Variants in DOK2 observed in about 807,000 individuals in gnomAD.
The protein encoded by DOK2 is docking protein 2, 56kD.
A neutral mutation model predicts 26.0 loss-of-function variants in DOK2; 28 were observed. That is an observed-to-expected ratio of 1.08 (90% CI 0.80 to 1.48). The LOEUF (loss-of-function observed/expected upper bound fraction) is 1.48, where lower values mean the gene tolerates loss of function less well. Among genes scored for constraint, DOK2 ranks in the 40% most tolerant of loss-of-function variants. The pLI is 0.00. For synonymous variants in DOK2, 282 were observed against 236.9 expected (o/e 1.19, Z -1.75); for missense variants, 682 against 558.2 (o/e 1.22, Z -2.23).
intron 2 of DOK2, 120 bp from the exon 3 acceptor site, chr8:21,912,108 C>T (rs2117207255): frequency 6.8e-7 from 1 of 1,468,120 alleles, no homozygotes; most frequent in South Asian, 1.4e-5. Context: ...TTCGGGTCCC[C>T]CCACATGGAG....
intron 1 of DOK2, 118 bp from the exon 2 acceptor site, chr8:21,912,628 G>T: frequency 1.1e-6 from 1 of 950,790 alleles, no homozygotes; most frequent in Non-Finnish European, 1.5e-6. Flanking sequence ...CTTGGAGATG[G>T]GGAGAGAGAG....
chr8:21,911,856 G>T, intron 3 of DOK2, 45 bp downstream of exon 3: 1 of 1,533,496 alleles, frequency 6.5e-7, no homozygotes, highest in African/African-American at 1.4e-5. Flanking sequence ...ACCTCACCCT[G>T]GGGAGAGCCC....
Position 21,912,457 on chromosome 8 carries a change from G to A in DOK2, c.117C>T (p.Ala39=), listed in dbSNP as rs375816776. Residue 39 remains alanine (A), a synonymous_variant, in exon 2 of 5, where the codon GCC becomes GCT. Transcript: ENST00000276420. The part of the protein sequence containing the change: ...SLYGGSDCAL[A]RLELQEGPEK... ...CCGGGCCCTCCTGCAGCTCCAGCCGGGCCAAGGCGCAGTCCGACCCTCCAT... is the reference window on the plus strand; with the variant it reads ...CCGGGCCCTCCTGCAGCTCCAGCCGAGCCAAGGCGCAGTCCGACCCTCCAT... 28 of 1,565,070 alleles carry A rather than the reference G, an allele frequency of 1.8e-5. No homozygotes were observed. The highest frequency in any genetic ancestry group is 2.3e-5 in the Non-Finnish European group (27 of 1,157,082).
At position 21,909,985 on chromosome 8, in the gene DOK2, T is replaced by TC; in HGVS notation, c.619-55_619-54insG. On this transcript the variant is annotated intron_variant, in intron 4 of 4. Transcript: ENST00000276420. ...CCAGGCCACAGGGCAGGGGTGCATT[T>TC]TTTTTTTTTTTTTTGGAGACAGAGT... 3 of 1,161,110 alleles carry TC rather than the reference T, an allele frequency of 2.6e-6. No homozygotes were observed. In the East Asian group the frequency reaches 1.0e-4, roughly 39 times the overall value. The allele number at this position is 1,161,110 out of a possible 1,614,324, so 71.9% of individuals were successfully genotyped here. A position where few individuals can be genotyped will look rare whatever the true frequency, so the allele number is the denominator to read the frequency against.
At chr8:21,911,759 G>T in intron 3 of DOK2, 142 bp downstream of exon 3, 1 of 875,908 alleles carries the variant, frequency 1.1e-6, no homozygotes, top group Non-Finnish European at 1.7e-6. Flanking sequence ...AGAAGGAGAG[G>T]CTGATAACGG....
Position 21,909,286 on chromosome 8 carries a change from G to A in DOK2, c.*25C>T, listed in dbSNP as rs547540283. On this transcript the variant is annotated 3_prime_UTR_variant, in exon 5 of 5. Transcript: ENST00000276420. ...AGTCACCAGCAGAAGCCAAGGGGCG[G>A]TGGACCATCCCTCTGCTGCCTCTGT... The A allele has an allele frequency of 5.3e-6, 8 of 1,518,996 alleles. No individual in the cohort carries two copies. The highest frequency in any genetic ancestry group is 7.1e-6 in the Non-Finnish European group (8 of 1,134,348). The allele number at this position is 1,518,996 out of a possible 1,614,324, so 94.1% of individuals were successfully genotyped here.
rs985391641 is a variant in DOK2, at chr8:21,910,657, G to A, written c.618+16C>T. 4 of 1,613,414 alleles carry A rather than the reference G, an allele frequency of 2.5e-6. No homozygotes were observed. The African/African-American group carries it at 5.3e-5, about 22-fold the overall frequency. On this transcript the variant is annotated intron_variant, in intron 4 of 4. Coordinates refer to ENST00000276420, the MANE Select transcript of DOK2 (RefSeq NM_003974.4). ...ATCCTTTCTCTCAACCTGCCCTGAT[G>A]CAGCTTCCCACTCACCTTGTCCCGC...
At chr8:21,911,825 G>C in intron 3 of DOK2, 76 bp downstream of exon 3, 1 of 1,444,626 alleles carries the variant, frequency 6.9e-7, no homozygotes, top group Admixed American at 2.5e-5. Flanking sequence ...CCAGCAGCTA[G>C]CCAGCCCACA....
At position 21,910,748 on chromosome 8, in the gene DOK2, C is replaced by G; in HGVS notation, c.543G>C (p.Leu181=). 6.2e-7 allele frequency: 1 copy of G among 1,614,036 alleles called. No homozygotes were observed. The highest frequency in any genetic ancestry group is 8.5e-7 in the Non-Finnish European group (1 of 1,180,010). The part of the protein sequence containing the change: ...TLRAGESALE[L]WGGPEPGTQL... ...GGGTCCCTGGCTCGGGCCCACCCCA[C>G]AGCTCCAGGGCACTCTCCCCAGCCC... Residue 181 remains leucine (L), a synonymous_variant, in exon 4 of 5, where the codon CTG becomes CTC. Coordinates refer to ENST00000276420, the MANE Select transcript of DOK2 (RefSeq NM_003974.4).
At position 21,909,425 on chromosome 8, in the gene DOK2, G is replaced by A. The variant is rs1191590000; in HGVS notation, c.1125C>T (p.Asp375=). The A allele has an allele frequency of 9.3e-6, 15 of 1,612,696 alleles. No homozygotes were observed. The highest frequency in any genetic ancestry group is 1.3e-5 in the African/African-American group (1 of 74,910). Residue 375 remains aspartate (D), a synonymous_variant, in exon 5 of 5, where the codon GAC becomes GAT. Transcript: ENST00000276420. ...GEAWRRQATA[D]RDPAGLQHVQ... ...CATGCTGGAGGCCAGCAGGGTCCCT[G>A]TCAGCTGTCGCCTGCCTCCTCCATG...
At position 21,910,822 on chromosome 8, in the gene DOK2, G is replaced by T. The variant is rs773043465; in HGVS notation, c.469C>A (p.Pro157Thr). 18 of 1,612,628 alleles carry T rather than the reference G, an allele frequency of 1.1e-5. No homozygotes were observed. The highest frequency in any genetic ancestry group is 4.5e-5 in the East Asian group (2 of 44,868). Residue 157 changes from proline (P) to threonine (T), a missense_variant, in exon 4 of 5, where the codon CCT (proline) becomes ACT (threonine). Physicochemically the swap from Pro to Thr is conservative, Grantham distance 38. Transcript: ENST00000276420. ...TGGCACCTCTCACTGGCTTCTGTAG[G>T]TCTCATGGTCACAGCAAATTCCTTG... ...PHKEFAVTMR[P>T]TEASERCHLR... is the part of the protein sequence containing the mutation.
At position 21,912,484 on chromosome 8, in the gene DOK2, C is replaced by T. The variant is rs770573554; in HGVS notation, c.90G>A (p.Leu30=). The change falls in exon 2 of 5, where the codon CTG becomes CTA. Residue 30 remains leucine, a synonymous_variant. Coordinates refer to ENST00000276420, the MANE Select transcript of DOK2 (RefSeq NM_003974.4). ...CCAAGGCGCAGTCCGACCCTCCATA[C>T]AGTGAGGCGCCGAAGCGGCGCCATT... ...GKKWRRFGAS[L]YGGSDCALAR... 3.2e-6 allele frequency: 5 copies of T among 1,541,088 alleles called. No individual in the cohort carries two copies.
chr8:21,913,574 A>G lies in DOK2; in HGVS notation c.28T>C (p.Phe10Leu). The change falls in exon 1 of 5, where the codon TTC (phenylalanine) becomes CTC (leucine). Residue 10 changes from phenylalanine (F) to leucine (L), a missense_variant. Phe to Leu is a conservative substitution (Grantham distance 22, BLOSUM62 0). Transcript: ENST00000276420. Reference sequence around the variant, plus strand: ...GTCTGCTGCTGCTGAAGATACAAGAAGCCTTGTTTCACTGCCCCGTCTCCC... The same window carrying G: ...GTCTGCTGCTGCTGAAGATACAAGAGGCCTTGTTTCACTGCCCCGTCTCCC... MGDGAVKQG[F>L]LYLQQQQTFG... is the part of the protein sequence containing the mutation. 1 of 1,613,582 alleles carries G rather than the reference A, an allele frequency of 6.2e-7. No homozygotes were observed. The highest frequency in any genetic ancestry group is 2.2e-5 in the East Asian group (1 of 44,852).
intron 1 of DOK2, 102 bp downstream of exon 1, chr8:21,913,437 T>C: frequency 4.2e-6 from 6 of 1,420,216 alleles, no homozygotes; most frequent in Non-Finnish European, 5.8e-6. Flanking sequence ...GGGTGCACAG[T>C]CAGACCTATA....
At position 21,910,671 on chromosome 8, in the gene DOK2, A is replaced by G; in HGVS notation, c.618+2T>C. 1 of 1,613,186 alleles carries G rather than the reference A, an allele frequency of 6.2e-7. No homozygotes were observed. The highest frequency in any genetic ancestry group is 1.1e-5 in the South Asian group (1 of 91,018). ...CCTGCCCTGATGCAGCTTCCCACTC[A>G]CCTTGTCCCGCCCAAAGCGCCGCAG... On this transcript the variant is annotated splice_donor_variant, in intron 4 of 4. Coordinates refer to ENST00000276420, the MANE Select transcript of DOK2 (RefSeq NM_003974.4). LOFTEE classifies it high-confidence loss of function.
In DOK2 at chr8:21,912,329, C is replaced by G. The variant is rs1282467286; in HGVS notation, c.245G>C (p.Ser82Thr). The G allele has an allele frequency of 9.3e-6, 15 of 1,607,442 alleles. No individual in the cohort carries two copies. Among genetic ancestry groups the G allele is most frequent in the Non-Finnish European group, 1.2e-5 (14 of 1,178,474 alleles). Residue 82 changes from serine (S) to threonine (T), a missense_variant, in exon 2 of 5, where the codon AGT (serine) becomes ACT (threonine). Coordinates refer to ENST00000276420, the MANE Select transcript of DOK2 (RefSeq NM_003974.4). ...GGEASSPRDT[S>T]AFFLETKERL... ...CTCCTTGGTCTCCAGGAAGAAGGCA[C>G]TGGTGTCCCGGGGGCTGCTGGCCTC...
In DOK2 at chr8:21,913,632, G is replaced by T. The variant is rs759890322; in HGVS notation, c.-31C>A. ...GACCATCTCGGAGCCCCAGGCTTCA[G>T]CTCTCTCCTTCACTCCTGCCCTTGC... On this transcript the variant is annotated 5_prime_UTR_variant, in exon 1 of 5. It adds an upstream start codon to the 5' untranslated region. Coordinates refer to ENST00000276420, the MANE Select transcript of DOK2 (RefSeq NM_003974.4). The T allele has an allele frequency of 1.2e-6, 2 of 1,612,978 alleles. No homozygotes were observed. The highest frequency in any genetic ancestry group is 2.2e-5 in the South Asian group (2 of 91,052).
At chr8:21,912,592 C>T (rs1284408006) in intron 1 of DOK2, 82 bp from the exon 2 acceptor site, 29 of 1,382,636 alleles carry the variant, frequency 2.1e-5, no homozygotes, top group Non-Finnish European at 2.6e-5. Flanking sequence ...AGAAGAGGAA[C>T]CGTGGGAGGG....
Position 21,912,295 on chromosome 8 carries a change from G to T in DOK2, c.279C>A (p.Tyr93Ter). Reference protein sequence around the residue: ...AFFLETKERLYLLAAPAAERG... With the variant: ...AFFLETKERL Reference sequence around the variant, plus strand: ...GCTCCGCTGCAGGGGCCGCCAGGAGGTACAGGCGCTCCTTGGTCTCCAGGA... The same window carrying T: ...GCTCCGCTGCAGGGGCCGCCAGGAGTTACAGGCGCTCCTTGGTCTCCAGGA... Residue 93 changes from tyrosine (Y) to a stop codon, truncating the protein, a stop_gained, in exon 2 of 5, where the codon TAC becomes TAA. Transcript: ENST00000276420. LOFTEE classifies it high-confidence loss of function. The T allele has an allele frequency of 1.3e-6, 2 of 1,597,890 alleles. No homozygotes were observed. The highest frequency in any genetic ancestry group is 1.7e-6 in the Non-Finnish European group (2 of 1,174,420).
Sources: gnomAD v4.1 joint callset for allele counts on GRCh38, gnomAD v4.1.1 for gene constraint, MANE v1.5 for transcripts, NCBI Gene and HGNC (gene_info 2026-07-23, HGNC 2026-07-21) for gene names.